Variants in MARK1 observed in about 807,000 individuals in gnomAD.
MARK1 encodes microtubule affinity regulating kinase 1.
MARK1 carries 40 observed loss-of-function variants against 96.3 expected under a neutral mutation model. The ratio of observed to expected loss-of-function variants is 0.42; its 90% CI spans 0.32 to 0.54. The LOEUF (loss-of-function observed/expected upper bound fraction) is 0.54, where lower values mean the gene tolerates loss of function less well. Among genes scored for constraint, MARK1 ranks in the 20% least tolerant of loss-of-function variants. The pLI is 0.16. For synonymous variants in MARK1, 317 were observed against 341.2 expected (o/e 0.93, Z 0.78); for missense variants, 719 against 984.6 (o/e 0.73, Z 3.61).
chr1:220,558,593 T>C (rs1558257937), intron 1 of MARK1, among the ~76,000 whole-genome samples: 1 of 151,870 alleles, frequency 6.6e-6, no homozygotes. Flanking sequence ...AAGAGCATTA[T>C]TAAAGATAAA....
intron 1 of MARK1, among the ~76,000 whole-genome samples, chr1:220,565,872 ACT>A (rs1663016771): frequency 1.3e-5 from 2 of 152,092 alleles, no homozygotes; most frequent in Admixed American, 6.6e-5. Flanking sequence ...AGCTGATAAC[ACT>A]CTGTAAACAC....
At chr1:220,558,757 C>G (rs1211468011) in intron 1 of MARK1, among the ~76,000 whole-genome samples, 1 of 151,934 alleles carries the variant, frequency 6.6e-6, no homozygotes, top group Non-Finnish European at 1.5e-5. Flanking sequence ...AGAAGCATCT[C>G]TAATGATAAA....
intron 1 of MARK1, among the ~76,000 whole-genome samples, chr1:220,558,552 A>G (rs1662451076): frequency 1.3e-5 from 2 of 152,090 alleles, no homozygotes; most frequent in African/African-American, 4.8e-5. Context: ...AGAATCTGAC[A>G]TATCAATATT....
intron 1 of MARK1, among the ~76,000 whole-genome samples, chr1:220,531,643 T>C (rs1660324867): frequency 6.6e-6 from 1 of 152,166 alleles, no homozygotes; most frequent in African/African-American, 2.4e-5. Context: ...CTGCTATATA[T>C]AGTAGAATGA....
intron 9 of MARK1, chr1:220,627,453 A>T: frequency 1.9e-5 from 9 of 464,674 alleles, no homozygotes; most frequent in South Asian, 1.3e-4. Context: ...GCCTGAGCAG[A>T]CCTCTCCAGC....
chr1:220,616,687 CA>C (rs5781183), intron 7 of MARK1, among the ~76,000 whole-genome samples: 151,590 of 152,248 alleles, frequency 1, 75,471 homozygotes, highest in East Asian at 1. Context: ...AAACAGTTGT[CA>C]AAAAGTCAAG....
chr1:220,545,456 T>G lies in MARK1; in HGVS notation c.51+16583T>G, dbSNP rs546985858. On this transcript the variant is annotated intron_variant, in intron 1 of 17. Coordinates refer to ENST00000366917, the MANE Select transcript of MARK1 (RefSeq NM_018650.5). ...TTCTCATGGTTTTTTTTTTTTTTTTTTTTTTTGAGATAGGTTCTTGCTCAG... is the reference window on the plus strand; with the variant it reads ...TTCTCATGGTTTTTTTTTTTTTTTTGTTTTTTGAGATAGGTTCTTGCTCAG... 1.4e-3 allele frequency among the ~76,000 whole-genome samples: 204 copies of G among 148,650 alleles called. 2 individuals carry two copies. The highest frequency in any genetic ancestry group is 4.7e-3 in the African/African-American group (191 of 40,284).
At chr1:220,647,185 A>C (rs1432414436) in intron 13 of MARK1, among the ~76,000 whole-genome samples, 1 of 152,180 alleles carries the variant, frequency 6.6e-6, no homozygotes, top group Non-Finnish European at 1.5e-5. Flanking sequence ...CAGAATCTAC[A>C]AGGAACTTAA....
intron 2 of MARK1, among the ~76,000 whole-genome samples, chr1:220,580,607 A>G (rs903109390): frequency 6.6e-6 from 1 of 152,236 alleles, no homozygotes; most frequent in Admixed American, 6.5e-5. Flanking sequence ...ATTCAGAGGC[A>G]GGGAATACTG....
At chr1:220,540,278 G>T (rs1416774979) in intron 1 of MARK1, among the ~76,000 whole-genome samples, 2 of 152,188 alleles carry the variant, frequency 1.3e-5, no homozygotes, top group Non-Finnish European at 2.9e-5. Flanking sequence ...GTGTCTGAAA[G>T]CCCAAGAACC....
chr1:220,598,386 AATATATATATATTATATAT>A lies in MARK1; in HGVS notation c.358+20_358+38del. 1 of 339,234 alleles carries A rather than the reference AATATATATATATTATATAT, an allele frequency of 2.9e-6. No homozygotes were observed. The highest frequency in any genetic ancestry group is 5.6e-6 in the Non-Finnish European group (1 of 179,098). The allele number at this position is 339,234 out of a possible 1,614,324, so 21.0% of individuals were successfully genotyped here. On this transcript the variant is annotated splice_region_variant and intron_variant, in intron 4 of 17. Transcript: ENST00000366917. Reference sequence around the variant, plus strand: ...CTGAATCATCCTAATATAGGTATGAAATATATATATATTATATATATATATATATATAATTAGCGATGAA... The same window carrying A: ...CTGAATCATCCTAATATAGGTATGAAATATATATATATAATTAGCGATGAA...
At chr1:220,551,692 G>T (rs1449795461) in intron 1 of MARK1, among the ~76,000 whole-genome samples, 1 of 151,834 alleles carries the variant, frequency 6.6e-6, no homozygotes, top group African/African-American at 2.4e-5. Flanking sequence ...ATGGGAAGGG[G>T]AATCAAAAAG....
At chr1:220,575,978 C>T (rs1040514071) in intron 1 of MARK1, among the ~76,000 whole-genome samples, 2 of 8,392 alleles carry the variant, frequency 2.4e-4, no homozygotes, top group Non-Finnish European at 6.3e-4. Flanking sequence ...GGGAATTGAC[C>T]GTATATAGCT....
chr1:220,634,477 AG>A (rs1667840373), intron 11 of MARK1, among the ~76,000 whole-genome samples: 1 of 152,222 alleles, frequency 6.6e-6, no homozygotes, highest in South Asian at 2.1e-4. Flanking sequence ...CTATAAAATG[AG>A]GGCAATAATG....
chr1:220,599,058 A>C (rs946749983), intron 4 of MARK1, among the ~76,000 whole-genome samples: 1 of 152,110 alleles, frequency 6.6e-6, no homozygotes, highest in African/African-American at 2.4e-5. Context: ...TTTTGATACT[A>C]TGCACTTGGG....
At position 220,528,563 on chromosome 1, in the gene MARK1, A is replaced by G. The variant is rs1660071219; in HGVS notation, c.-260A>G. The stretch of plus-strand genomic sequence containing the variant: ...CTCGCCGCCCCGCCAGCGCCGGGCA[A>G]CCGCCTCGCCCGAAGCCCTCCCTCG... On this transcript the variant is annotated 5_prime_UTR_variant, in exon 1 of 18. Transcript: ENST00000366917. 1 of 452,368 alleles carries G rather than the reference A, an allele frequency of 2.2e-6. No homozygotes were observed. The highest frequency in any genetic ancestry group is 3.9e-6 in the Non-Finnish European group (1 of 257,354). 28.0% of individuals were successfully genotyped at this position (452,368 alleles called of 1,614,324 possible). A position where few individuals can be genotyped will look rare whatever the true frequency, so the allele number is the denominator to read the frequency against.
At chr1:220,555,279 A>G (rs1662166045) in intron 1 of MARK1, among the ~76,000 whole-genome samples, 1 of 152,196 alleles carries the variant, frequency 6.6e-6, no homozygotes, top group Non-Finnish European at 1.5e-5. Flanking sequence ...TTACATAATC[A>G]TCCTATCTGT....
In MARK1 at chr1:220,663,634, GAAGGTCT is replaced by G. The variant is rs1325909723; in HGVS notation, c.*1472_*1478del. ...AATACTGTAATTCCAACCTACATTA[GAAGGTCT>G]AAGTGTAGGTGATGTGCCATTCCAT... On this transcript the variant is annotated 3_prime_UTR_variant, in exon 18 of 18. Transcript: ENST00000366917. The G allele has an allele frequency of 9.2e-5, 14 of 152,546 alleles. No homozygotes were observed. The highest frequency in any genetic ancestry group is 3.4e-4 in the African/African-American group (14 of 41,414). 9.4% of individuals were successfully genotyped at this position (152,546 alleles called of 1,614,324 possible).
At chr1:220,596,895 A>G (rs1462198675) in intron 3 of MARK1, among the ~76,000 whole-genome samples, 4 of 152,126 alleles carry the variant, frequency 2.6e-5, no homozygotes, top group African/African-American at 7.2e-5. Flanking sequence ...CCTGGCAACC[A>G]TCATTCTACT....
Sources: allele counts gnomAD v4.1 joint callset (sites outside exome capture counted in the v4.1 genomes callset), GRCh38; gene constraint gnomAD v4.1.1; transcripts MANE v1.5; gene names NCBI Gene and HGNC (gene_info 2026-07-23, HGNC 2026-07-21).